IL16: variants seen among roughly 807,000 people sequenced by gnomAD.
IL16 encodes pro-interleukin-16.
Under a neutral mutation model 110.1 loss-of-function variants are expected in IL16, and 67 were observed. The observed-to-expected ratio is 0.61, with a 90% confidence interval of 0.50 to 0.75. The LOEUF (loss-of-function observed/expected upper bound fraction) is 0.75, where lower values mean the gene tolerates loss of function less well. IL16 is among the 30% of genes least tolerant of loss of function. The pLI is 0.00. For missense variants in IL16, 1,545 were observed against 1,655.0 expected, an observed-to-expected ratio of 0.93 and a Z score of 1.15; for synonymous variants, 689 against 662.9, an observed-to-expected ratio of 1.04 and a Z score of -0.61.
At chr15:81,269,411 C>A in intron 4 of IL16, 127 bp from the exon 5 acceptor site, 1 of 689,328 alleles carries the variant, frequency 1.5e-6, no homozygotes, top group South Asian at 1.7e-5. Flanking sequence ...CTGGTTGTTA[C>A]GCTGCCTGCC....
chr15:81,245,724 C>CTTTTTTTTTTTTTT lies in IL16; in HGVS notation c.313-14037_313-14024dup, dbSNP rs1009292228. On this transcript the variant is annotated intron_variant, in intron 2 of 18. Transcript: ENST00000683961. Reference sequence around the variant, plus strand: ...TAGAGAGATCAGACTTTTGTTTTGGCTTTTTTTTTTTTTTTTTTTTTTTTG... The same window carrying CTTTTTTTTTTTTTT: ...TAGAGAGATCAGACTTTTGTTTTGGCTTTTTTTTTTTTTTTTTTTTTTTTTTTTTTTTTTTTTTG... 3.6e-4 allele frequency among the ~76,000 whole-genome samples: 22 copies of CTTTTTTTTTTTTTT among 61,268 alleles called. 1 individual carries two copies. The highest frequency in any genetic ancestry group is 1.0e-3 in the East Asian group (2 of 1,958). The allele number at this position is 61,268 out of a possible 152,430, so 40.2% of individuals were successfully genotyped here.
chr15:81,300,088 A>C lies in IL16; in HGVS notation c.2762A>C (p.Glu921Ala), dbSNP rs1900196233. The C allele has an allele frequency of 6.3e-7, 1 of 1,578,966 alleles. No individual in the cohort carries two copies. The highest frequency in any genetic ancestry group is 2.2e-5 in the East Asian group (1 of 44,688). The change falls in exon 14 of 19, where the codon GAG (glutamate) becomes GCG (alanine). Residue 921 changes from glutamate (E) to alanine (A), a missense_variant. Physicochemically the swap from Glu to Ala is moderately radical, Grantham distance 107. Transcript: ENST00000683961. ...ASEARDPGVS[E>A]SPPPGRQPNQ... ...GAGGCCAGAGACCCAGGTGTGTCTG[A>C]GTCCCCTCCCCCAGGGCGGCAGCCC...
At position 81,301,422 on chromosome 15, in the gene IL16, G is replaced by T; in HGVS notation, c.3228G>T (p.Gln1076His). 1 of 1,614,014 alleles carries T rather than the reference G, an allele frequency of 6.2e-7. No homozygotes were observed. Among genetic ancestry groups the T allele is most frequent in the Non-Finnish European group, 8.5e-7 (1 of 1,179,850 alleles). ...EDDDGDHSSL[Q>H]SGQSVISLLS... is the part of the protein sequence containing the mutation. ...ATGATGGGGACCACAGTTCCCTTCA[G>T]TCTGGTCAGTCCGTTATCTCCCTGC... The change falls in exon 15 of 19, where the codon CAG becomes CAT. Residue 1076 changes from glutamine (Q) to histidine (H), a missense_variant. Physicochemically the swap from Gln to His is conservative, Grantham distance 24. Transcript: ENST00000683961.
intron 1 of IL16, chr15:81,188,360 G>A (rs774384521): frequency 5.3e-5 from 24 of 456,224 alleles, no homozygotes; most frequent in Non-Finnish European, 9.3e-5. Context: ...CAGAGGGTGT[G>A]TGGAGCACTG....
In IL16 at chr15:81,225,363, G is replaced by A; in HGVS notation, c.-37G>A. On this transcript the variant is annotated 5_prime_UTR_variant, in exon 2 of 19. Coordinates refer to ENST00000683961, the MANE Select transcript of IL16 (RefSeq NM_172217.5). ...CCCGTCAGCCAAGGGCCAGAGACCA[G>A]GAAAGGAAGAAAGGCAGCTTCACTT... 1 of 1,606,006 alleles carries A rather than the reference G, an allele frequency of 6.2e-7. No individual in the cohort carries two copies. The highest frequency in any genetic ancestry group is 8.5e-7 in the Non-Finnish European group (1 of 1,177,664).
rs1400752397 is a variant in IL16 at position 81,308,987 on chromosome 15, G to A, written c.*189G>A. ...GCAAAAGGTTGTTCCTAAAATAAGG[G>A]CAGAGTCACACGGGGGCAGCTGATA... is the stretch of plus-strand genomic sequence containing the variant. On this transcript the variant is annotated 3_prime_UTR_variant, in exon 19 of 19. Transcript: ENST00000683961. 7.9e-6 allele frequency: 4 copies of A among 509,350 alleles called. No individual in the cohort carries two copies. Among genetic ancestry groups the A allele is most frequent in the African/African-American group, 3.9e-5 (2 of 50,654 alleles). The allele number at this position is 509,350 out of a possible 1,614,324, so 31.6% of individuals were successfully genotyped here.
intron 1 of IL16, among the ~76,000 whole-genome samples, chr15:81,214,478 G>C (rs143195148): frequency 7.2e-5 from 11 of 152,214 alleles, no homozygotes; most frequent in African/African-American, 2.6e-4. Flanking sequence ...TAAGGTTTCT[G>C]CTGAGAGGTC....
intron 8 of IL16, among the ~76,000 whole-genome samples, chr15:81,281,704 A>G (rs1315307778): frequency 6.6e-6 from 1 of 152,200 alleles, no homozygotes; most frequent in Non-Finnish European, 1.5e-5. Flanking sequence ...GGTAAATCAC[A>G]TTACCATCTG....
chr15:81,242,784 T>G (rs1897379489), intron 2 of IL16, among the ~76,000 whole-genome samples: 1 of 152,112 alleles, frequency 6.6e-6, no homozygotes, highest in African/African-American at 2.4e-5. Context: ...GCATTCTTTC[T>G]TTGTCCCCAG....
intron 1 of IL16, among the ~76,000 whole-genome samples, chr15:81,205,694 T>G (rs1895990669): frequency 6.6e-6 from 1 of 152,104 alleles, no homozygotes; most frequent in Admixed American, 6.6e-5. Context: ...ACTCTCAGAT[T>G]CAGTTTAAAA....
chr15:81,241,458 T>C (rs1301718092), intron 2 of IL16, among the ~76,000 whole-genome samples: 1 of 152,088 alleles, frequency 6.6e-6, no homozygotes, highest in Non-Finnish European at 1.5e-5. Flanking sequence ...TTTAATGTAT[T>C]TCAGCAATTT....
chr15:81,239,415 C>G (rs950503837), intron 2 of IL16, among the ~76,000 whole-genome samples: 3 of 152,192 alleles, frequency 2.0e-5, no homozygotes, highest in Admixed American at 2.0e-4. Context: ...GTTCTGTCTA[C>G]TGGGGTGAAA....
At chr15:81,215,973 G>C (rs1248744767) in intron 1 of IL16, among the ~76,000 whole-genome samples, 1 of 152,234 alleles carries the variant, frequency 6.6e-6, no homozygotes, top group Non-Finnish European at 1.5e-5. Context: ...GGCCAAGGAG[G>C]CTGTGCTGTG....
chr15:81,214,031 T>G lies in IL16; in HGVS notation c.-101-11268T>G, dbSNP rs373890686. Among the ~76,000 whole-genome samples the G allele has an allele frequency of 9.1e-4, 139 of 151,976 alleles. 1 individual carries two copies. Among genetic ancestry groups the G allele is most frequent in the African/African-American group, 1.2e-3 (48 of 41,374 alleles). The stretch of plus-strand genomic sequence containing the variant: ...TGCTTAAGTGTGCATTTTGTTTTTT[T>G]TTTGTTTGTTTGTTTGTTTTTGTGG... On this transcript the variant is annotated intron_variant, in intron 1 of 18. Transcript: ENST00000683961.
Position 81,297,028 on chromosome 15 carries a change from A to G in IL16, c.2003A>G (p.Gln668Arg), listed in dbSNP as rs1900020187. 1 of 1,614,006 alleles carries G rather than the reference A, an allele frequency of 6.2e-7. No homozygotes were observed. The highest frequency in any genetic ancestry group is 8.5e-7 in the Non-Finnish European group (1 of 1,179,974). ...AGCPGPGIGP[Q>R]TKSSTEGEPG... ...TGCCCAGGACCTGGTATCGGCCCAC[A>G]GACCAAGTCCTCCACAGAGGGCGAG... The change falls in exon 13 of 19, where the codon CAG (glutamine) becomes CGG (arginine). Residue 668 changes from glutamine (Q) to arginine (R), a missense_variant. By Grantham distance (43) the Gln-to-Arg change is conservative. Transcript: ENST00000683961.
intron 2 of IL16, among the ~76,000 whole-genome samples, chr15:81,231,675 C>T (rs1171762112): frequency 1.3e-5 from 2 of 152,280 alleles, no homozygotes; most frequent in East Asian, 3.9e-4. Flanking sequence ...GCTCGGCCTA[C>T]CCAAAGGTCA....
intron 2 of IL16, among the ~76,000 whole-genome samples, chr15:81,258,272 T>C (rs1451560071): frequency 6.6e-6 from 1 of 152,082 alleles, no homozygotes; most frequent in African/African-American, 2.4e-5. Context: ...TCATCTTAGA[T>C]GAGGGAGAGT....
chr15:81,237,542 C>A (rs1229816541), intron 2 of IL16, among the ~76,000 whole-genome samples: 1 of 152,122 alleles, frequency 6.6e-6, no homozygotes, highest in Non-Finnish European at 1.5e-5. Flanking sequence ...GCCCTATACA[C>A]CGGTGTGTCA....
chr15:81,269,916 T>A (rs1348906198), intron 5 of IL16, among the ~76,000 whole-genome samples: 1 of 152,236 alleles, frequency 6.6e-6, no homozygotes, highest in Non-Finnish European at 1.5e-5. Context: ...GTTCTCTAAT[T>A]CATTCCTGGC....
Sources: allele counts gnomAD v4.1 joint callset (sites outside exome capture counted in the v4.1 genomes callset), GRCh38; gene constraint gnomAD v4.1.1; transcripts MANE v1.5; gene names NCBI Gene and HGNC (gene_info 2026-07-23, HGNC 2026-07-21).